WDR41: variants seen among roughly 807,000 people sequenced by gnomAD.
The protein encoded by WDR41 is WD repeat domain 41.
WDR41 carries 63 observed loss-of-function variants against 69.3 expected under a neutral mutation model. The observed-to-expected ratio is 0.91, with a 90% CI of 0.74 to 1.12. The LOEUF (loss-of-function observed/expected upper bound fraction) is 1.12. WDR41 is among the 50% of genes most tolerant of loss of function. The pLI is 0.00. For missense variants in WDR41, 543 were observed against 534.5 expected (o/e 1.02, Z -0.16); for synonymous variants, 185 against 192.1 (o/e 0.96, Z 0.31).
chr5:77,450,088 G>C (rs572318208), intron 7 of WDR41, among the ~76,000 whole-genome samples: 1 of 152,266 alleles, frequency 6.6e-6, no homozygotes, highest in Admixed American at 6.5e-5. Flanking sequence ...AATGTGTCCT[G>C]AAGAACTCTC....
chr5:77,433,362 G>A, intron 12 of WDR41, 75 bp from the exon 13 acceptor site: 5 of 1,413,486 alleles, frequency 3.5e-6, no homozygotes, highest in Admixed American at 2.2e-5. Flanking sequence ...TAACACATGT[G>A]CGTGTGAGAT....
chr5:77,470,904 C>A (rs894290306), intron 2 of WDR41, among the ~76,000 whole-genome samples: 2 of 152,096 alleles, frequency 1.3e-5, no homozygotes, highest in East Asian at 1.9e-4. Context: ...AGGAATTGAA[C>A]TTAGCTCTGC....
intron 1 of WDR41, among the ~76,000 whole-genome samples, chr5:77,555,941 T>C (rs2884883): frequency 0.17 from 25,558 of 151,936 alleles, 3,535 homozygotes; most frequent in African/African-American, 0.37. Flanking sequence ...GGAAGAGACT[T>C]GCCTTACCAG....
rs116038848 is a variant in WDR41 at position 77,564,954 on chromosome 5, C to G, written c.42+55525G>C. Among the ~76,000 whole-genome samples, 718 of 152,244 alleles carry G rather than the reference C, an allele frequency of 4.7e-3. 3 individuals carry two copies. Among genetic ancestry groups the G allele is most frequent in the African/African-American group, 0.016 (658 of 41,552 alleles). On this transcript the variant is annotated intron_variant, in intron 1 of 5. Coordinates refer to the WDR41 transcript ENST00000509971. ...AATTTATCACCAATTTCTTTTCTCT[C>G]TTTAATGTGTCATTCAAATTTAAAT... is the stretch of plus-strand genomic sequence containing the variant.
chr5:77,481,708 C>T (rs113777212), intron 2 of WDR41, among the ~76,000 whole-genome samples: 8,629 of 146,650 alleles, frequency 0.059, 418 homozygotes, highest in South Asian at 0.13. Flanking sequence ...TCGCTTGAAC[C>T]TGGGAAGCGG....
At chr5:77,524,429 AAAAC>A (rs1035370308) in intron 1 of WDR41, among the ~76,000 whole-genome samples, 12 of 152,152 alleles carry the variant, frequency 7.9e-5, no homozygotes, top group African/African-American at 2.9e-4. Context: ...CTTGGCAGAA[AAAAC>A]AAACAAACAT....
intron 1 of WDR41, among the ~76,000 whole-genome samples, chr5:77,524,577 G>A (rs2112196895): frequency 6.6e-6 from 1 of 151,948 alleles, no homozygotes; most frequent in South Asian, 2.1e-4. Flanking sequence ...GGGTGACAGA[G>A]CCAGATCCTG....
At chr5:77,605,047 G>T (rs924578946) in intron 1 of WDR41, among the ~76,000 whole-genome samples, 1 of 152,166 alleles carries the variant, frequency 6.6e-6, no homozygotes, top group African/African-American at 2.4e-5. Context: ...GTGGGAGGAA[G>T]GCTTTCTACT....
At chr5:77,469,455 A>G (rs900770114) in intron 2 of WDR41, among the ~76,000 whole-genome samples, 22 of 152,158 alleles carry the variant, frequency 1.4e-4, no homozygotes, top group African/African-American at 5.1e-4. Context: ...GCACCTCTGT[A>G]TTCTGTATTT....
chr5:77,583,768 G>C (rs934838492), intron 1 of WDR41, among the ~76,000 whole-genome samples: 1 of 152,032 alleles, frequency 6.6e-6, no homozygotes, highest in Non-Finnish European at 1.5e-5. Flanking sequence ...TATGAGGCAA[G>C]TATTACTCTG....
intron 1 of WDR41, among the ~76,000 whole-genome samples, chr5:77,570,489 C>CTA (rs1247486580): frequency 1.4e-5 from 2 of 146,908 alleles, no homozygotes; most frequent in Non-Finnish European, 3.0e-5. Context: ...TTATGCTTTA[C>CTA]TATATATATT....
chr5:77,442,802 G>A (rs1437893939), intron 8 of WDR41, among the ~76,000 whole-genome samples: 1 of 143,318 alleles, frequency 7.0e-6, no homozygotes, highest in Non-Finnish European at 1.5e-5. Context: ...TGAGGCAGGA[G>A]AATGACGTGA....
chr5:77,463,062 C>T (rs1474511038), intron 4 of WDR41, 33 bp downstream of exon 4: 1 of 1,607,950 alleles, frequency 6.2e-7, no homozygotes, highest in Admixed American at 1.7e-5. Flanking sequence ...TAGGCCACTA[C>T]AGCTTGTTCA....
chr5:77,524,764 G>A lies in WDR41; in HGVS notation c.43-35192C>T, dbSNP rs569379235. On this transcript the variant is annotated intron_variant, in intron 1 of 5. Transcript: ENST00000509971. ...ATCTGCCTGGTTGGCATCCTCACAG[G>A]TTATCTCAAATACAAATACCTAAAT... 2.6e-5 allele frequency among the ~76,000 whole-genome samples: 4 copies of A among 152,316 alleles called. No homozygotes were observed. In the South Asian group the frequency reaches 8.3e-4, roughly 32 times the overall value.
intron 1 of WDR41, among the ~76,000 whole-genome samples, chr5:77,500,816 G>A (rs1165225362): frequency 6.6e-6 from 1 of 152,222 alleles, no homozygotes; most frequent in Non-Finnish European, 1.5e-5. Context: ...AATGTGCTGT[G>A]AGACATTACA....
intron 1 of WDR41, among the ~76,000 whole-genome samples, chr5:77,605,820 AT>A (rs1156956983): frequency 6.6e-6 from 1 of 152,218 alleles, no homozygotes; most frequent in Non-Finnish European, 1.5e-5. Flanking sequence ...CTTAAAAAAA[AT>A]ATGATAGGTA....
chr5:77,471,561 T>C (rs1246194047), intron 2 of WDR41, among the ~76,000 whole-genome samples: 2 of 150,986 alleles, frequency 1.3e-5, no homozygotes, highest in African/African-American at 4.9e-5. Context: ...GAGAGAAGAA[T>C]CAAATAGACG....
At chr5:77,553,011 A>C (rs1265295399) in intron 1 of WDR41, among the ~76,000 whole-genome samples, 5 of 152,228 alleles carry the variant, frequency 3.3e-5, no homozygotes, top group Non-Finnish European at 7.3e-5. Context: ...CACCAACTGC[A>C]TGATCCATAA....
chr5:77,496,171 T>G (rs1367687165), upstream of WDR41, among the ~76,000 whole-genome samples: 1 of 151,978 alleles, frequency 6.6e-6, no homozygotes, highest in Non-Finnish European at 1.5e-5. Flanking sequence ...CATTCGATGG[T>G]GAAAGACTGA....
Sources: gnomAD v4.1 joint callset for allele counts (sites outside exome capture counted in the v4.1 genomes callset) on GRCh38, gnomAD v4.1.1 for gene constraint, MANE v1.5 for transcripts, NCBI Gene and HGNC (gene_info 2026-07-23, HGNC 2026-07-21) for gene names.